Variants in PCARE observed in about 807,000 individuals in gnomAD.
PCARE encodes the protein uncharacterized protein C2orf71.
A neutral mutation model predicts 82.2 loss-of-function variants in PCARE; 72 were observed. That is an observed-to-expected ratio of 0.88 (90% CI 0.72 to 1.07). The LOEUF (loss-of-function observed/expected upper bound fraction) is 1.07. PCARE is among the 50% of genes least tolerant of loss of function. The pLI, the probability that PCARE is intolerant of heterozygous loss-of-function variation, is 0.00. For synonymous variants in PCARE, 705 were observed against 634.8 expected (o/e 1.11, Z -1.66); for missense variants, 1,768 against 1,592.4 (o/e 1.11, Z -1.88).
Position 29,073,537 on chromosome 2 carries a change from A to T in PCARE, c.725T>A (p.Val242Glu). 6.2e-7 allele frequency: 1 copy of T among 1,614,094 alleles called. No individual in the cohort carries two copies. The highest frequency in any genetic ancestry group is 8.5e-7 in the Non-Finnish European group (1 of 1,180,016). ...LLGEISKDGEVLLQEVREDLA... is the reference protein window; with the variant it reads ...LLGEISKDGEELLQEVREDLA... ...ATCCTCCCTGACTTCCTGCAGGAGC[A>T]CTTCTCCATCCTTGGAGATCTCCCC... is the stretch of plus-strand genomic sequence containing the variant. Residue 242 changes from valine to glutamate, a missense_variant, in exon 1 of 2, where the codon GTG (valine) becomes GAG (glutamate). Coordinates refer to ENST00000331664, the MANE Select transcript of PCARE (RefSeq NM_001029883.3).
intron 1 of PCARE, among the ~76,000 whole-genome samples, chr2:29,066,797 G>C (rs1441626029): frequency 6.6e-6 from 1 of 152,250 alleles, no homozygotes; most frequent in Admixed American, 6.5e-5. Flanking sequence ...GACTGAGTAA[G>C]GGCGGCAGAG....
In PCARE at chr2:29,071,295, A is replaced by T; in HGVS notation, c.2967T>A (p.Pro989=). ...RPRQSRERSP[P]VGRKASPTRT... ...TCGTGGGAGAGGCCTTTCTGCCCAC[A>T]GGGGGGCTTCTCTCTCGGCTCTGCC... is the stretch of plus-strand genomic sequence containing the variant. The change falls in exon 1 of 2, where the codon CCT becomes CCA. Residue 989 remains proline (P), a synonymous_variant. Transcript: ENST00000331664. 6.2e-7 allele frequency: 1 copy of T among 1,613,340 alleles called. No individual in the cohort carries two copies. Among genetic ancestry groups the T allele is most frequent in the Non-Finnish European group, 8.5e-7 (1 of 1,179,884 alleles).
Position 29,065,069 on chromosome 2 carries a change from TGCC to T in PCARE, c.3669-5_3669-3del. 6.5e-7 allele frequency: 1 copy of T among 1,550,244 alleles called. No homozygotes were observed. Among genetic ancestry groups the T allele is most frequent in the Non-Finnish European group, 8.7e-7 (1 of 1,146,924 alleles). On this transcript the variant is annotated splice_polypyrimidine_tract_variant and splice_region_variant and intron_variant, in intron 1 of 1. Transcript: ENST00000331664. ...TTCTTAGGGCTCTCCTCGCTGCTGC[TGCC>T]GAGAGAAAGGACAAGTGCAGGTCAG... is the stretch of plus-strand genomic sequence containing the variant.
Position 29,073,035 on chromosome 2 carries a change from G to A in PCARE, c.1227C>T (p.Pro409=). 1 of 1,614,110 alleles carries A rather than the reference G, an allele frequency of 6.2e-7. No homozygotes were observed. The highest frequency in any genetic ancestry group is 8.5e-7 in the Non-Finnish European group (1 of 1,179,986). The part of the protein sequence containing the change: ...QSPFCLGSGR[P]QDCLLSGAPM... ...GAGCCCCTGAGAGCAGGCAGTCCTG[G>A]GGTCTGCCTGAGCCCAAACAGAATG... is the stretch of plus-strand genomic sequence containing the variant. The change falls in exon 1 of 2, where the codon CCC becomes CCT. Residue 409 remains proline (P), a synonymous_variant. Coordinates refer to ENST00000331664, the MANE Select transcript of PCARE (RefSeq NM_001029883.3).
chr2:29,072,244 T>C lies in PCARE; in HGVS notation c.2018A>G (p.Asn673Ser). ...TSRLKASLTK[N>S]FSILPSQDKS... is the part of the protein sequence containing the mutation. Reference sequence around the variant, plus strand: ...GTCCTGACTAGGCAAAATACTGAAGTTCTTGGTGAGGGATGCCTTGAGCCT... The same window carrying C: ...GTCCTGACTAGGCAAAATACTGAAGCTCTTGGTGAGGGATGCCTTGAGCCT... Residue 673 changes from asparagine (N) to serine (S), a missense_variant, in exon 1 of 2, where the codon AAC becomes AGC. Coordinates refer to ENST00000331664, the MANE Select transcript of PCARE (RefSeq NM_001029883.3). The C allele has an allele frequency of 6.2e-7, 1 of 1,614,200 alleles. No individual in the cohort carries two copies. The highest frequency in any genetic ancestry group is 1.1e-5 in the South Asian group (1 of 91,084).
In PCARE at chr2:29,072,015, G is replaced by C. The variant is rs1267929661; in HGVS notation, c.2247C>G (p.Asp749Glu). 1.9e-6 allele frequency: 3 copies of C among 1,614,070 alleles called. No homozygotes were observed. The African/African-American group carries it at 4.0e-5, about 22-fold the overall frequency. Residue 749 changes from aspartate to glutamate, a missense_variant, in exon 1 of 2, where the codon GAC becomes GAG. Coordinates refer to ENST00000331664, the MANE Select transcript of PCARE (RefSeq NM_001029883.3). ...AGGGACTTGCCCCAGCGTCCTTAGAGTCCCCCAGCATCCTCAGACTCTCCG... is the reference window on the plus strand; with the variant it reads ...AGGGACTTGCCCCAGCGTCCTTAGACTCCCCCAGCATCCTCAGACTCTCCG... Reference protein sequence around the residue: ...SPTESLRMLGDSKDAGASPCL... With the variant: ...SPTESLRMLGESKDAGASPCL...
In PCARE at chr2:29,070,665, T is replaced by C. The variant is rs373398599; in HGVS notation, c.3597A>G (p.Pro1199=). The change falls in exon 1 of 2, where the codon CCA becomes CCG. Residue 1199 remains proline (P), a synonymous_variant. Transcript: ENST00000331664. ...AGGTGGGAGGCTGCGGTCGGCCACCTGGCTGGCGGTCAGAAGCTGTCCTCC... is the reference window on the plus strand; with the variant it reads ...AGGTGGGAGGCTGCGGTCGGCCACCCGGCTGGCGGTCAGAAGCTGTCCTCC... ...FLRRTASDRQ[P]GGRPQPPTLD... The C allele has an allele frequency of 1.2e-6, 2 of 1,614,116 alleles. No individual in the cohort carries two copies. Among genetic ancestry groups the C allele is most frequent in the South Asian group, 2.2e-5 (2 of 91,082 alleles).
At chr2:29,066,537 A>G (rs1218748819) in intron 1 of PCARE, among the ~76,000 whole-genome samples, 2 of 152,236 alleles carry the variant, frequency 1.3e-5, no homozygotes, top group African/African-American at 2.4e-5. Context: ...CTGTGAGGTC[A>G]GGCTTACATG....
At position 29,070,913 on chromosome 2, in the gene PCARE, C is replaced by T. The variant is rs1286977865; in HGVS notation, c.3349G>A (p.Gly1117Arg). The change falls in exon 1 of 2, where the codon GGG becomes AGG. Residue 1117 changes from glycine to arginine, a missense_variant. Transcript: ENST00000331664. ...GGGCAGAATATGGAATGTGTGTTCC[C>T]AGACACTTTGGCTATGACTGCTTGG... ...DSQAVIAKVSGNTHSIFCPAT... is the reference protein window; with the variant it reads ...DSQAVIAKVSRNTHSIFCPAT... 2.5e-6 allele frequency: 4 copies of T among 1,613,820 alleles called. No individual in the cohort carries two copies. Among genetic ancestry groups the T allele is most frequent in the Non-Finnish European group, 3.4e-6 (4 of 1,180,002 alleles).
In PCARE at chr2:29,063,163, C is replaced by T. The variant is rs1370272931; in HGVS notation, c.*1706G>A. ...AACCTGGTCCATCCTCACGTGCTTA[C>T]CTTGGCCCCTGCCCTGCCTGGGTGG... On this transcript the variant is annotated 3_prime_UTR_variant, in exon 2 of 2. Transcript: ENST00000331664. The T allele has an allele frequency of 2.6e-5, 4 of 152,428 alleles. No individual in the cohort carries two copies. Among genetic ancestry groups the T allele is most frequent in the Non-Finnish European group, 5.9e-5 (4 of 68,206 alleles). 9.4% of individuals were successfully genotyped at this position (152,428 alleles called of 1,614,324 possible).
At position 29,073,840 on chromosome 2, in the gene PCARE, T is replaced by C. The variant is rs900649119; in HGVS notation, c.422A>G (p.Asp141Gly). ...GDESEESSTQ[D>G]TSKWKRTAKC... The stretch of plus-strand genomic sequence containing the variant: ...TGCTGTCCTTTTCCATTTGGAAGTA[T>C]CTTGGGTACTACTTTCCTCACTCTC... The change falls in exon 1 of 2, where the codon GAT becomes GGT. Residue 141 changes from aspartate (D) to glycine (G), a missense_variant. By Grantham distance (94) the Asp-to-Gly change is moderately conservative (BLOSUM62 -1). Coordinates refer to ENST00000331664, the MANE Select transcript of PCARE (RefSeq NM_001029883.3). 1 of 1,614,242 alleles carries C rather than the reference T, an allele frequency of 6.2e-7. No individual in the cohort carries two copies. Among genetic ancestry groups the C allele is most frequent in the Admixed American group, 1.7e-5 (1 of 60,032 alleles).
rs1276904505 is a variant in PCARE, at chr2:29,072,536, G to C, written c.1726C>G (p.Pro576Ala). ...CTGCCACTTACCGTGCTAGGTCTTG[G>C]GGGGACCACTGTCCTCCCCTCCTCC... ...EEEEGRTVVP[P>A]RPSTVSGSRR... Residue 576 changes from proline (P) to alanine (A), a missense_variant, in exon 1 of 2, where the codon CCA (proline) becomes GCA (alanine). Transcript: ENST00000331664. 3 of 1,614,130 alleles carry C rather than the reference G, an allele frequency of 1.9e-6. No homozygotes were observed. Among genetic ancestry groups the C allele is most frequent in the South Asian group, 2.2e-5 (2 of 91,076 alleles).
rs1667343007 is a variant in PCARE at position 29,063,512 on chromosome 2, TA to T, written c.*1356del. The T allele has an allele frequency of 6.6e-6, 1 of 152,654 alleles. No individual in the cohort carries two copies. Among genetic ancestry groups the T allele is most frequent in the Admixed American group, 6.5e-5 (1 of 15,284 alleles). 9.5% of individuals were successfully genotyped at this position (152,654 alleles called of 1,614,324 possible). A position where few individuals can be genotyped will look rare whatever the true frequency, so the allele number is the denominator to read the frequency against. ...TGCTATAGTCCCTAGGGACCCAGTT[TA>T]ACAAGTTTTTGAGCCCACAGTCCCA... On this transcript the variant is annotated 3_prime_UTR_variant, in exon 2 of 2. Transcript: ENST00000331664.
chr2:29,068,023 G>A (rs55861973), intron 1 of PCARE, among the ~76,000 whole-genome samples: 32,161 of 152,178 alleles, frequency 0.21, 3,866 homozygotes, highest in East Asian at 0.36. Context: ...GTTTTAAAAT[G>A]TTAGTGTTTT....
rs182878787 is a variant in PCARE at position 29,073,968 on chromosome 2, G to A, written c.294C>T (p.Thr98=). The stretch of plus-strand genomic sequence containing the variant: ...GTGATTTGTTCAGCTGGGATGAAGA[G>A]GTTTTGGTTCCTGGGATCAGTCCTT... ...DMEGLIPGTK[T]SSSQLNKSQS... Residue 98 remains threonine, a synonymous_variant, in exon 1 of 2, where the codon ACC becomes ACT. Transcript: ENST00000331664. 2.2e-5 allele frequency: 35 copies of A among 1,614,228 alleles called. No homozygotes were observed. Among genetic ancestry groups the A allele is most frequent in the Admixed American group, 2.0e-4 (12 of 60,026 alleles).
At position 29,071,246 on chromosome 2, in the gene PCARE, C is replaced by T; in HGVS notation, c.3016G>A (p.Asp1006Asn). 1 of 1,612,778 alleles carries T rather than the reference C, an allele frequency of 6.2e-7. No individual in the cohort carries two copies. The highest frequency in any genetic ancestry group is 8.5e-7 in the Non-Finnish European group (1 of 1,179,476). The change falls in exon 1 of 2, where the codon GAC becomes AAC. Residue 1006 changes from aspartate to asparagine, a missense_variant. Asp to Asn is a conservative substitution (Grantham distance 23). Coordinates refer to ENST00000331664, the MANE Select transcript of PCARE (RefSeq NM_001029883.3). ...PTRTHWVPQA[D>N]KRRRSLPSSY... ...GAGGGAAGGCTCCGGCGCCTCTTGTCTGCTTGAGGCACCCAGTGTGTCCTC... is the reference window on the plus strand; with the variant it reads ...GAGGGAAGGCTCCGGCGCCTCTTGTTTGCTTGAGGCACCCAGTGTGTCCTC...
At chr2:29,067,188 C>A (rs114556534) in intron 1 of PCARE, among the ~76,000 whole-genome samples, 2,657 of 152,252 alleles carry the variant, frequency 0.017, 74 homozygotes, top group African/African-American at 0.061. Context: ...GGAAACAGCC[C>A]GTTCTGAGCA....
At chr2:29,070,340 T>G (rs1667450013) in intron 1 of PCARE, among the ~76,000 whole-genome samples, 1 of 152,150 alleles carries the variant, frequency 6.6e-6, no homozygotes. Context: ...AACTTGATTT[T>G]TTTTAATACA....
chr2:29,071,539 G>A lies in PCARE; in HGVS notation c.2723C>T (p.Pro908Leu). The A allele has an allele frequency of 6.2e-7, 1 of 1,610,458 alleles. No homozygotes were observed. The highest frequency in any genetic ancestry group is 8.5e-7 in the Non-Finnish European group (1 of 1,180,000). The change falls in exon 1 of 2, where the codon CCA (proline) becomes CTA (leucine). Residue 908 changes from proline (P) to leucine (L), a missense_variant. Transcript: ENST00000331664. ...ASLTKPHSTG[P>L]GSGRSSCQPR... ...CTGGCAGCTGCTCCTGCCACTCCCTGGCCCTGTGCTGTGAGGCTTGGTCAG... is the reference window on the plus strand; with the variant it reads ...CTGGCAGCTGCTCCTGCCACTCCCTAGCCCTGTGCTGTGAGGCTTGGTCAG...
Sources: allele counts gnomAD v4.1 joint callset (sites outside exome capture counted in the v4.1 genomes callset), GRCh38; gene constraint gnomAD v4.1.1; transcripts MANE v1.5; gene names NCBI Gene and HGNC (gene_info 2026-07-23, HGNC 2026-07-21).